The following NCKAP5 variants were observed in gnomAD, a reference collection of about 807,000 sequenced individuals.
The protein encoded by NCKAP5 is nck-associated protein 5.
NCKAP5 carries 92 observed loss-of-function variants against 167.0 expected under a neutral mutation model. The observed-to-expected ratio is 0.55, with a 90% CI of 0.47 to 0.66. The LOEUF is 0.66. NCKAP5 is among the 30% of genes least tolerant of loss of function. The pLI, the probability that NCKAP5 is intolerant of heterozygous loss-of-function variation, is 0.00. For synonymous variants in NCKAP5, 891 were observed against 877.4 expected (o/e 1.02, Z -0.27); for missense variants, 2,378 against 2,315.0 (o/e 1.03, Z -0.56).
chr2:133,430,459 G>A (rs1028408493), intron 3 of NCKAP5, among the ~76,000 whole-genome samples: 1 of 151,952 alleles, frequency 6.6e-6, no homozygotes, highest in Admixed American at 6.6e-5. Flanking sequence ...AGCCAATGAC[G>A]TGAAGAGTAT....
Position 132,983,555 on chromosome 2 carries a change from G to A in NCKAP5, c.429+10597C>T, listed in dbSNP as rs78289819. On this transcript the variant is annotated intron_variant, in intron 7 of 19. Transcript: ENST00000409261. ...ATTGAAAGCTTTTCCTGCATCTATT[G>A]AGATACTCATTTAAAAAATGGTCTA... 2.1e-3 allele frequency among the ~76,000 whole-genome samples: 320 copies of A among 152,242 alleles called. 2 individuals are homozygous for A. Among genetic ancestry groups the A allele is most frequent in the African/African-American group, 7.1e-3 (293 of 41,534 alleles).
At chr2:132,698,765 C>A (rs1164618026) in intron 19 of NCKAP5, among the ~76,000 whole-genome samples, 2 of 151,952 alleles carry the variant, frequency 1.3e-5, no homozygotes, top group African/African-American at 2.4e-5. Context: ...ACCCGGGAGG[C>A]AAGGGTTGCA....
At chr2:133,473,580 T>C (rs1679557142) in intron 3 of NCKAP5, among the ~76,000 whole-genome samples, 1 of 152,244 alleles carries the variant, frequency 6.6e-6, no homozygotes, top group Non-Finnish European at 1.5e-5. Context: ...AAAACCACTG[T>C]TCTATAAGAT....
At chr2:132,940,162 T>C (rs1039676853) in intron 8 of NCKAP5, among the ~76,000 whole-genome samples, 1 of 152,208 alleles carries the variant, frequency 6.6e-6, no homozygotes, top group Non-Finnish European at 1.5e-5. Flanking sequence ...ATTGTTGAGT[T>C]ACTTCAGTTA....
At chr2:133,168,280 ATTTTT>A (rs35632445) in intron 5 of NCKAP5, among the ~76,000 whole-genome samples, 4 of 125,998 alleles carry the variant, frequency 3.2e-5, no homozygotes, top group East Asian at 2.3e-4. Context: ...AACTGATAAC[ATTTTT>A]TTTTTTTTTT....
intron 7 of NCKAP5, among the ~76,000 whole-genome samples, chr2:132,968,452 C>T (rs940159469): frequency 2.6e-5 from 4 of 152,190 alleles, no homozygotes; most frequent in African/African-American, 9.6e-5. Flanking sequence ...GATTTTACAA[C>T]TTTGGAACTT....
At chr2:132,840,883 A>G (rs1368672209) in intron 11 of NCKAP5, among the ~76,000 whole-genome samples, 1 of 152,080 alleles carries the variant, frequency 6.6e-6, no homozygotes, top group East Asian at 1.9e-4. Flanking sequence ...ATCTCCAAAA[A>G]ATTTCACTGT....
chr2:133,431,389 C>T (rs72846349), intron 3 of NCKAP5, among the ~76,000 whole-genome samples: 23,144 of 152,026 alleles, frequency 0.15, 1,893 homozygotes, highest in Middle Eastern at 0.23. Flanking sequence ...ATTTTAATCA[C>T]CACCCACTCT....
At position 133,330,053 on chromosome 2, in the gene NCKAP5, C is replaced by CTTTTTTTTTT. The variant is rs1165568563; in HGVS notation, c.70-26953_70-26944dup. On this transcript the variant is annotated intron_variant, in intron 3 of 19. Coordinates refer to ENST00000409261, the MANE Select transcript of NCKAP5 (RefSeq NM_207363.3). ...GGGAATGTGGCCAAGAAAGCAAGAC[C>CTTTTTTTTTT]TTTTTTTTTTTTTTTTTTTTTTTTT... Among the ~76,000 whole-genome samples the CTTTTTTTTTT allele has an allele frequency of 1.9e-3, 165 of 85,702 alleles. 22 individuals carry two copies. The highest frequency in any genetic ancestry group is 7.3e-3 in the African/African-American group (156 of 21,466). The allele number at this position is 85,702 out of a possible 152,430, so 56.2% of individuals were successfully genotyped here.
chr2:133,609,627 TTA>T, the NCKAP5 span, among the ~76,000 whole-genome samples: 1 of 152,086 alleles, frequency 6.6e-6, no homozygotes, highest in African/African-American at 2.4e-5. Flanking sequence ...CTTCCTGATT[TTA>T]TCTCCCCAGA....
At chr2:133,238,512 A>G (rs1371998302) in intron 4 of NCKAP5, among the ~76,000 whole-genome samples, 1 of 152,190 alleles carries the variant, frequency 6.6e-6, no homozygotes. Flanking sequence ...TAAAAAGAAG[A>G]CACAGGCACC....
intron 6 of NCKAP5, among the ~76,000 whole-genome samples, chr2:133,034,198 C>A (rs1052885055): frequency 6.6e-6 from 1 of 152,032 alleles, no homozygotes; most frequent in African/African-American, 2.4e-5. Context: ...CCTTACAGAC[C>A]AGGAGAGAGT....
intron 19 of NCKAP5, among the ~76,000 whole-genome samples, chr2:132,724,507 G>A (rs1314688226): frequency 6.6e-6 from 1 of 152,050 alleles, no homozygotes; most frequent in African/African-American, 2.4e-5. Context: ...CTCACAATGA[G>A]CTCAAGGGAA....
intron 7 of NCKAP5, among the ~76,000 whole-genome samples, chr2:132,983,255 A>G (rs983174718): frequency 6.6e-6 from 1 of 152,166 alleles, no homozygotes; most frequent in Admixed American, 6.5e-5. Context: ...ATCAGTGAAG[A>G]GAGATAGTTT....
intron 8 of NCKAP5, among the ~76,000 whole-genome samples, chr2:132,897,659 G>A (rs986774690): frequency 1.3e-5 from 2 of 152,024 alleles, no homozygotes; most frequent in African/African-American, 4.8e-5. Flanking sequence ...CCAGATCACC[G>A]CAATAAAGCA....
intron 3 of NCKAP5, among the ~76,000 whole-genome samples, chr2:133,419,757 A>G (rs933532288): frequency 2.6e-5 from 4 of 152,288 alleles, no homozygotes; most frequent in Non-Finnish European, 4.4e-5. Context: ...TGCTGCTTCT[A>G]TTTTCCTACT....
intron 11 of NCKAP5, among the ~76,000 whole-genome samples, chr2:132,859,662 TG>T (rs1222332460): frequency 6.6e-6 from 1 of 152,246 alleles, no homozygotes; most frequent in African/African-American, 2.4e-5. Flanking sequence ...CACGCAGTGG[TG>T]GGCCGCCCTT....
At chr2:133,360,030 T>C (rs1173647125) in intron 3 of NCKAP5, among the ~76,000 whole-genome samples, 1 of 152,172 alleles carries the variant, frequency 6.6e-6, no homozygotes, top group African/African-American at 2.4e-5. Context: ...AACAAAGTCA[T>C]GATTTTATAC....
intron 3 of NCKAP5, among the ~76,000 whole-genome samples, chr2:133,516,053 A>T (rs1365324827): frequency 1.3e-5 from 2 of 152,358 alleles, no homozygotes; most frequent in East Asian, 3.9e-4. Flanking sequence ...ACCAATACCG[A>T]TGATATTTCT....
Sources: allele counts gnomAD v4.1 joint callset (sites outside exome capture counted in the v4.1 genomes callset), GRCh38; gene constraint gnomAD v4.1.1; transcripts MANE v1.5; gene names NCBI Gene and HGNC (gene_info 2026-07-23, HGNC 2026-07-21).